Variants in ARHGAP39 observed in about 807,000 individuals in gnomAD.
ARHGAP39 encodes the protein rho GTPase-activating protein 39.
A neutral mutation model predicts 106.9 loss-of-function variants in ARHGAP39; 44 were observed. The ratio of observed to expected loss-of-function variants is 0.41; its 90% confidence interval spans 0.32 to 0.53. ARHGAP39 has a LOEUF of 0.53. Among genes scored for constraint, ARHGAP39 ranks in the 20% least tolerant of loss-of-function variants. ARHGAP39 has a pLI of 0.21. For synonymous variants in ARHGAP39, 768 were observed against 693.2 expected, an observed-to-expected ratio of 1.11 and a Z score of -1.69; for missense variants, 1,496 against 1,577.3, an observed-to-expected ratio of 0.95 and a Z score of 0.87.
intron 1 of ARHGAP39, among the ~76,000 whole-genome samples, chr8:144,666,842 A>G (rs1335543930): frequency 1.3e-5 from 2 of 152,158 alleles, no homozygotes; most frequent in African/African-American, 2.4e-5. Flanking sequence ...CAAAGCCCCA[A>G]TACAGTGTTC....
At chr8:144,685,535 C>A (rs1297696297) in intron 1 of ARHGAP39, among the ~76,000 whole-genome samples, 151 bp downstream of exon 1, 1 of 149,180 alleles carries the variant, frequency 6.7e-6, no homozygotes, top group Non-Finnish European at 1.5e-5. Context: ...CAGCCCCTCC[C>A]GCCGCTGCAG....
At chr8:144,562,468 TCCAGTGGTTTCCATCG>T (rs1564849391) in intron 3 of ARHGAP39, among the ~76,000 whole-genome samples, 7 of 138,168 alleles carry the variant, frequency 5.1e-5, no homozygotes, top group African/African-American at 1.6e-4. Context: ...TCCATCGCAC[TCCAGTGGTTTCCATCG>T]CACTCCAGTG....
At position 144,641,630 on chromosome 8, in the gene ARHGAP39, G is replaced by A. The variant is rs919108583; in HGVS notation, c.-81-35935C>T. Among the ~76,000 whole-genome samples the A allele has an allele frequency of 6.6e-6, 1 of 152,210 alleles. No individual in the cohort carries two copies. Among genetic ancestry groups the A allele is most frequent in the African/African-American group, 2.4e-5 (1 of 41,456 alleles). ...TTCCAGCTTAGACTCAGCCTCTGTC[G>A]GCCTCCGCCAAAAGCAGAGCCTGAG... On this transcript the variant is annotated intron_variant, in intron 1 of 11. Transcript: ENST00000377307. The surrounding 1 kb of genome is among the most constrained non-coding windows in gnomAD (Gnocchi z 5.2).
chr8:144,589,361 C>T (rs2130912788), intron 2 of ARHGAP39, among the ~76,000 whole-genome samples: 1 of 152,372 alleles, frequency 6.6e-6, no homozygotes, highest in East Asian at 1.9e-4. Context: ...CCGGCAGGGC[C>T]TACCCTGGGG....
intron 3 of ARHGAP39, among the ~76,000 whole-genome samples, chr8:144,566,970 C>A (rs1271181751): frequency 6.6e-6 from 1 of 151,512 alleles, no homozygotes; most frequent in Non-Finnish European, 1.5e-5. Context: ...AGCCAGAAGA[C>A]AATGAAGTGG....
At position 144,604,470 on chromosome 8, in the gene ARHGAP39, T is replaced by C. The variant is rs991643909; in HGVS notation, c.80+1065A>G. Among the ~76,000 whole-genome samples, 2 of 152,100 alleles carry C rather than the reference T, an allele frequency of 1.3e-5. No individual in the cohort carries two copies. The highest frequency in any genetic ancestry group is 2.4e-5 in the African/African-American group (1 of 41,404). On this transcript the variant is annotated intron_variant, in intron 2 of 11. Transcript: ENST00000377307. The surrounding 1 kb of genome is among the most constrained non-coding windows in gnomAD (Gnocchi z 4.1). ...TCAGCTCACTGCAGCCTAAACCTCT[T>C]GGGCTCAAGGGATCTCCTCACCTCA...
chr8:144,570,737 A>C (rs1003475189), intron 3 of ARHGAP39, among the ~76,000 whole-genome samples: 2 of 152,212 alleles, frequency 1.3e-5, no homozygotes, highest in Non-Finnish European at 2.9e-5. Context: ...ACTGCTAGCA[A>C]GACTAATAAA....
intron 1 of ARHGAP39, among the ~76,000 whole-genome samples, chr8:144,681,169 T>C (rs1822407236): frequency 6.6e-6 from 1 of 151,986 alleles, no homozygotes; most frequent in African/African-American, 2.4e-5. Flanking sequence ...CAGATAAACT[T>C]GGGAACAAGT....
At position 144,641,999 on chromosome 8, in the gene ARHGAP39, T is replaced by C. The variant is rs188797190; in HGVS notation, c.-81-36304A>G. ...GCTACATAGATCTGTGAGCAACAGA[T>C]GTATGTTGCTTTAAGAGGTTAAATC... On this transcript the variant is annotated intron_variant, in intron 1 of 11. Coordinates refer to ENST00000377307, the MANE Select transcript of ARHGAP39 (RefSeq NM_025251.3). This position sits in a 1 kb window ranked among gnomAD's most constrained non-coding sequence, Gnocchi z 5.2. Among the ~76,000 whole-genome samples the C allele has an allele frequency of 6.6e-6, 1 of 152,302 alleles. No homozygotes were observed. Among genetic ancestry groups the C allele is most frequent in the Admixed American group, 6.5e-5 (1 of 15,302 alleles).
chr8:144,561,548 TCCAGTGGTTTCGATCGGACC>T (rs1432370854), intron 3 of ARHGAP39, among the ~76,000 whole-genome samples: 2,537 of 148,882 alleles, frequency 0.017, 33 homozygotes, highest in Non-Finnish European at 0.029. Context: ...TCCATCACAC[TCCAGTGGTTTCGATCGGACC>T]CCAGTGGTTT....
upstream of ARHGAP39, among the ~76,000 whole-genome samples, chr8:144,689,957 G>T (rs1411826929): frequency 6.6e-6 from 1 of 150,888 alleles, no homozygotes; most frequent in Non-Finnish European, 1.5e-5. Context: ...ACGTTGGCCA[G>T]TCTGGTCTCA....
Position 144,644,577 on chromosome 8 carries a change from C to T in ARHGAP39, c.-81-38882G>A, listed in dbSNP as rs1200374386. Among the ~76,000 whole-genome samples the T allele has an allele frequency of 6.6e-6, 1 of 152,180 alleles. No homozygotes were observed. Among genetic ancestry groups the T allele is most frequent in the Non-Finnish European group, 1.5e-5 (1 of 68,030 alleles). On this transcript the variant is annotated intron_variant, in intron 1 of 11. Transcript: ENST00000377307. This position sits in a 1 kb window ranked among gnomAD's most constrained non-coding sequence, Gnocchi z 4.8. The stretch of plus-strand genomic sequence containing the variant: ...AATTGAAACACTGCCAAATGCACGC[C>T]GGCTCGTGGCGGCACCCCTTCCGGC...
chr8:144,656,315 A>T (rs1253876759), intron 1 of ARHGAP39, among the ~76,000 whole-genome samples: 2 of 152,168 alleles, frequency 1.3e-5, no homozygotes, highest in Non-Finnish European at 2.9e-5. Flanking sequence ...CAACATAGCG[A>T]GACCCCATCT....
Position 144,671,048 on chromosome 8 carries a change from C to T in ARHGAP39, c.-82+14638G>A, listed in dbSNP as rs561538114. 1.3e-5 allele frequency among the ~76,000 whole-genome samples: 2 copies of T among 152,310 alleles called. No homozygotes were observed. Among genetic ancestry groups the T allele is most frequent in the South Asian group, 2.1e-4 (1 of 4,826 alleles). Reference sequence around the variant, plus strand: ...ACACAGTGCTGCCAAGCCTCAGGGCCGCCAAGCTTCTCCCGAAACCCAACC... The same window carrying T: ...ACACAGTGCTGCCAAGCCTCAGGGCTGCCAAGCTTCTCCCGAAACCCAACC... On this transcript the variant is annotated intron_variant, in intron 1 of 11. Transcript: ENST00000377307. This position sits in a 1 kb window ranked among gnomAD's most constrained non-coding sequence, Gnocchi z 4.5.
chr8:144,555,658 A>C lies in ARHGAP39; in HGVS notation c.513-15T>G. On this transcript the variant is annotated splice_polypyrimidine_tract_variant and intron_variant, in intron 3 of 11. Coordinates refer to ENST00000377307, the MANE Select transcript of ARHGAP39 (RefSeq NM_025251.3). ...GTGGTGAAGAGCTGAAACACAGTAAAATGAAAGAAATATGAATATAAGTGC... is the reference window on the plus strand; with the variant it reads ...GTGGTGAAGAGCTGAAACACAGTAACATGAAAGAAATATGAATATAAGTGC... 3 of 1,605,394 alleles carry C rather than the reference A, an allele frequency of 1.9e-6. No individual in the cohort carries two copies. The highest frequency in any genetic ancestry group is 2.6e-6 in the Non-Finnish European group (3 of 1,172,708).
intron 1 of ARHGAP39, among the ~76,000 whole-genome samples, chr8:144,675,072 A>C (rs1035566725): frequency 2.0e-5 from 3 of 151,980 alleles, no homozygotes; most frequent in African/African-American, 7.3e-5. Context: ...CCACCCCTCC[A>C]ACTTGGAAGG....
At chr8:144,681,728 C>G (rs568940994) in intron 1 of ARHGAP39, among the ~76,000 whole-genome samples, 4 of 152,184 alleles carry the variant, frequency 2.6e-5, no homozygotes, top group Admixed American at 2.0e-4. Flanking sequence ...AAAAATCTAT[C>G]TTAGGCTATT....
In ARHGAP39 at chr8:144,602,394, T is replaced by C. The variant is rs559185267; in HGVS notation, c.80+3141A>G. On this transcript the variant is annotated intron_variant, in intron 2 of 11. Coordinates refer to ENST00000377307, the MANE Select transcript of ARHGAP39 (RefSeq NM_025251.3). Reference sequence around the variant, plus strand: ...GTGCGAGCTCATGTACCTGTGTGTGTGCGTGGAGGCGTGTGTGTGCTTGTG... The same window carrying C: ...GTGCGAGCTCATGTACCTGTGTGTGCGCGTGGAGGCGTGTGTGTGCTTGTG... Among the ~76,000 whole-genome samples, 493 of 141,858 alleles carry C rather than the reference T, an allele frequency of 3.5e-3. 2 individuals are homozygous for C. Among genetic ancestry groups the C allele is most frequent in the African/African-American group, 0.013 (473 of 37,478 alleles). 93.1% of individuals were successfully genotyped at this position (141,858 alleles called of 152,430 possible).
At chr8:144,603,165 G>C (rs367912110) in intron 2 of ARHGAP39, among the ~76,000 whole-genome samples, 3,247 of 146,136 alleles carry the variant, frequency 0.022, 122 homozygotes, top group African/African-American at 0.078. Context: ...GGAGGTGTGT[G>C]TGCGAGCTCA....
Sources: gnomAD v4.1 joint callset for allele counts (sites outside exome capture counted in the v4.1 genomes callset) on GRCh38, gnomAD v4.1.1 for gene constraint, Gnocchi (gnomAD v3.1) non-coding constraint, MANE v1.5 for transcripts, NCBI Gene and HGNC (gene_info 2026-07-23, HGNC 2026-07-21) for gene names.